The following KPNA3 variants were observed in gnomAD, a reference collection of about 807,000 sequenced individuals.
KPNA3 encodes the protein karyopherin subunit alpha 3, also known as importin subunit alpha-4.
KPNA3 carries 13 observed loss-of-function variants against 73.8 expected under a neutral mutation model. That is an observed-to-expected ratio of 0.18 (90% CI 0.11 to 0.28). The LOEUF is 0.28. Ranked by LOEUF, KPNA3 falls within the 10% of genes least tolerant of loss-of-function variation. KPNA3 has a pLI of 1.00. For synonymous variants in KPNA3, 186 were observed against 206.9 expected, an observed-to-expected ratio of 0.90 and a Z score of 0.87; for missense variants, 360 against 618.1, an observed-to-expected ratio of 0.58 and a Z score of 4.43.
chr13:49,740,007 T>C (rs1459441648), intron 2 of KPNA3, among the ~76,000 whole-genome samples: 1 of 152,036 alleles, frequency 6.6e-6, no homozygotes, highest in Non-Finnish European at 1.5e-5. Flanking sequence ...TCCCAGAACT[T>C]TGGGAGGCTG....
At position 49,710,360 on chromosome 13, in the gene KPNA3, C is replaced by T. The variant is rs943942960; in HGVS notation, c.903+531G>A. 2.7e-4 allele frequency among the ~76,000 whole-genome samples: 41 copies of T among 152,052 alleles called. 1 individual carries two copies. The highest frequency in any genetic ancestry group is 9.4e-4 in the African/African-American group (39 of 41,470). On this transcript the variant is annotated intron_variant, in intron 11 of 16. Transcript: ENST00000261667. ...GCAGGATGAACAGATCTAATAAGTG[C>T]CTACCCCTAATTAGAGTGGGAGAGA...
At chr13:49,739,949 A>C (rs568808528) in intron 2 of KPNA3, among the ~76,000 whole-genome samples, 5 of 152,240 alleles carry the variant, frequency 3.3e-5, no homozygotes, top group Non-Finnish European at 7.3e-5. Flanking sequence ...GTGGAATAAT[A>C]GCTATGAGTT....
intron 1 of KPNA3, among the ~76,000 whole-genome samples, chr13:49,786,716 A>C (rs773074636): frequency 4.6e-5 from 7 of 152,220 alleles, no homozygotes; most frequent in Non-Finnish European, 1.0e-4. Flanking sequence ...CACAGCTGGC[A>C]CAAAGGAGAT....
intron 1 of KPNA3, among the ~76,000 whole-genome samples, chr13:49,751,921 C>T (rs1394196168): frequency 6.6e-6 from 1 of 152,092 alleles, no homozygotes; most frequent in Non-Finnish European, 1.5e-5. Flanking sequence ...AGCAAACAAA[C>T]GACACCTACA....
intron 7 of KPNA3, among the ~76,000 whole-genome samples, chr13:49,723,578 AAAT>A (rs1213970478): frequency 6.6e-6 from 1 of 151,278 alleles, no homozygotes; most frequent in Admixed American, 6.6e-5. Flanking sequence ...CAAAAAAAAA[AAAT>A]ATCATACTCA....
rs763719209 is a variant in KPNA3, at chr13:49,702,470, T to G, written c.1383A>C (p.Lys461Asn). 9.2e-6 allele frequency: 14 copies of G among 1,528,964 alleles called. No homozygotes were observed. The South Asian group carries it at 1.6e-4, about 18-fold the overall frequency. The allele number at this position is 1,528,964 out of a possible 1,614,324, so 94.7% of individuals were successfully genotyped here. ...TTTCATGTTGCTGTAAAACTTCAAT[T>G]TTCTCCAAACCTGGTAAAAATAAAA... The part of the protein sequence containing the change: ...EIIEECGGLE[K>N]IEVLQQHENE... The change falls in exon 16 of 17, where the codon AAA (lysine) becomes AAC (asparagine). Residue 461 changes from lysine (K) to asparagine (N), a missense_variant. Around this residue, in one of 3 missense-constraint regions of KPNA3, gnomAD observed 287 missense variants for 549.1 expected, o/e 0.52. Transcript: ENST00000261667.
At chr13:49,713,639 AC>A in intron 10 of KPNA3, among the ~76,000 whole-genome samples, 1 of 65,014 alleles carries the variant, frequency 1.5e-5, no homozygotes, top group African/African-American at 4.5e-5. Flanking sequence ...GGTGAAACAC[AC>A]ACACACACAC....
intron 9 of KPNA3, 41 bp downstream of exon 9, chr13:49,721,914 A>T: frequency 7.4e-7 from 1 of 1,342,518 alleles, no homozygotes; most frequent in South Asian, 1.8e-5. Flanking sequence ...GTACAAACAT[A>T]GGGAAAATAT....
chr13:49,735,781 G>GT (rs370339996), intron 2 of KPNA3, among the ~76,000 whole-genome samples: 1 of 152,102 alleles, frequency 6.6e-6, no homozygotes, highest in South Asian at 2.1e-4. Context: ...TGGATCTTCT[G>GT]TTTTTTACTA....
intron 11 of KPNA3, 21 bp downstream of exon 11, chr13:49,710,870 G>A: frequency 6.2e-7 from 1 of 1,606,912 alleles, no homozygotes; most frequent in Non-Finnish European, 8.5e-7. Flanking sequence ...ATACAAATAA[G>A]AAAAATTTAA....
chr13:49,782,411 T>G (rs977217815), intron 1 of KPNA3, among the ~76,000 whole-genome samples: 1 of 152,212 alleles, frequency 6.6e-6, no homozygotes, highest in Non-Finnish European at 1.5e-5. Flanking sequence ...ACACTTTTTC[T>G]ATACTCTTAT....
intron 1 of KPNA3, among the ~76,000 whole-genome samples, chr13:49,772,956 T>C (rs1469360471): frequency 6.6e-6 from 1 of 152,188 alleles, no homozygotes; most frequent in Non-Finnish European, 1.5e-5. Flanking sequence ...TTACTTACAA[T>C]TGCCAAAAAC....
intron 10 of KPNA3, among the ~76,000 whole-genome samples, chr13:49,713,641 ACACACAC>A (rs1481463644): frequency 8.7e-6 from 1 of 115,218 alleles, no homozygotes; most frequent in African/African-American, 3.6e-5. Flanking sequence ...TGAAACACAC[ACACACAC>A]ACACACACAC....
rs1566330753 is a variant in KPNA3, at chr13:49,704,425, AATAAAT to A, written c.1372+1190_1372+1195del. On this transcript the variant is annotated intron_variant, in intron 15 of 16. Transcript: ENST00000261667. ...GAAACTCTGTCTCAAAAAAAAAATA[AATAAAT>A]AAAAAATAAATAAATAAATAAATAA... is the stretch of plus-strand genomic sequence containing the variant. Among the ~76,000 whole-genome samples the A allele has an allele frequency of 1.3e-3, 125 of 99,824 alleles. 4 individuals are homozygous for A. In the South Asian group the frequency reaches 0.017, roughly 13 times the overall value. 65.5% of individuals were successfully genotyped at this position (99,824 alleles called of 152,430 possible).
chr13:49,713,138 C>T (rs1410365094), intron 10 of KPNA3, among the ~76,000 whole-genome samples: 2 of 151,816 alleles, frequency 1.3e-5, no homozygotes, highest in African/African-American at 4.8e-5. Context: ...AGGTTGTAAC[C>T]CTGTTAAAAG....
chr13:49,703,052 C>T (rs1212535032), intron 15 of KPNA3, among the ~76,000 whole-genome samples: 1 of 151,874 alleles, frequency 6.6e-6, no homozygotes, highest in African/African-American at 2.4e-5. Flanking sequence ...CTATTTTTAG[C>T]AGAGACGGGG....
intron 2 of KPNA3, among the ~76,000 whole-genome samples, chr13:49,743,477 A>C (rs1954591330): frequency 6.6e-6 from 1 of 152,188 alleles, no homozygotes; most frequent in African/African-American, 2.4e-5. Flanking sequence ...AACTTGAAAT[A>C]AGAAATTGCT....
chr13:49,704,997 G>A (rs1954192387), intron 15 of KPNA3, among the ~76,000 whole-genome samples: 1 of 152,148 alleles, frequency 6.6e-6, no homozygotes, highest in Non-Finnish European at 1.5e-5. Context: ...AATTTATGTA[G>A]TGTTGTAAGG....
chr13:49,725,911 G>C (rs1485806460), intron 6 of KPNA3, among the ~76,000 whole-genome samples: 1 of 151,946 alleles, frequency 6.6e-6, no homozygotes, highest in Non-Finnish European at 1.5e-5. Flanking sequence ...CAAAGTGCTG[G>C]GATTATAGGC....
Sources: gnomAD v4.1 joint callset for allele counts (sites outside exome capture counted in the v4.1 genomes callset) on GRCh38, gnomAD v4.1.1 for gene constraint, gnomAD v4.1.1 regional missense constraint, MANE v1.5 for transcripts, NCBI Gene and HGNC (gene_info 2026-07-23, HGNC 2026-07-21) for gene names.